Variants in PTPRS observed in about 807,000 individuals in gnomAD.
The protein encoded by PTPRS is protein tyrosine phosphatase receptor type S.
In PTPRS, 63 loss-of-function variants were observed where a neutral mutation model predicts 215.3. The ratio of observed to expected loss-of-function variants is 0.29; its 90% CI spans 0.24 to 0.36. PTPRS has a LOEUF of 0.36. Ranked by LOEUF, PTPRS falls within the 10% of genes least tolerant of loss-of-function variation. The pLI, the probability that PTPRS is intolerant of heterozygous loss-of-function variation, is 1.00. For synonymous variants in PTPRS, 1,404 were observed against 1,191.4 expected, an observed-to-expected ratio of 1.18 and a Z score of -3.68; for missense variants, 2,258 against 2,825.8, an observed-to-expected ratio of 0.80 and a Z score of 4.56.
intron 7 of PTPRS, among the ~76,000 whole-genome samples, chr19:5,260,076 C>T (rs1199576959): frequency 6.6e-6 from 1 of 151,988 alleles, no homozygotes; most frequent in Non-Finnish European, 1.5e-5. Context: ...GGGATGGAGC[C>T]GACCGACCTG....
At chr19:5,318,589 G>A (rs920481806) in intron 1 of PTPRS, among the ~76,000 whole-genome samples, 2 of 152,114 alleles carry the variant, frequency 1.3e-5, no homozygotes, top group African/African-American at 4.8e-5. Flanking sequence ...GGCACACAGA[G>A]CTGTTCACAC....
At chr19:5,211,464 T>TTCACGGACAGCA in intron 33 of PTPRS, 126 bp downstream of exon 33, 1 of 902,296 alleles carries the variant, frequency 1.1e-6, no homozygotes, top group Non-Finnish European at 1.6e-6. Context: ...CATCTAAAGA[T>TTCACGGACAGCA]GTGTATTTAA....
rs771621293 is a variant in PTPRS at position 5,273,512 on chromosome 19, G to A, written c.309C>T (p.Asn103=). The A allele has an allele frequency of 3.7e-6, 6 of 1,614,160 alleles. No homozygotes were observed. The highest frequency in any genetic ancestry group is 2.2e-5 in the South Asian group (2 of 91,080). ...AGTTCTGGGCCACACACTCGTACAC[G>A]TTTTCATCCCGCGGTGTCCTCAGCG... ...IQPLRTPRDE[N]VYECVAQNSV... Residue 103 remains asparagine, a synonymous_variant, in exon 4 of 38, where the codon AAC becomes AAT. Coordinates refer to ENST00000262963, the MANE Select transcript of PTPRS (RefSeq NM_002850.4).
intron 1 of PTPRS, among the ~76,000 whole-genome samples, chr19:5,288,204 G>A (rs537674734): frequency 2.6e-4 from 39 of 152,204 alleles, no homozygotes; most frequent in Non-Finnish European, 4.9e-4. Flanking sequence ...TGCACAAGCC[G>A]GTCAAAGTCA....
chr19:5,208,416 G>A (rs376624828), intron 35 of PTPRS, 25 bp from the exon 36 acceptor site: 3 of 1,546,638 alleles, frequency 1.9e-6, no homozygotes, highest in African/African-American at 2.7e-5. Context: ...GCCCAATCTT[G>A]TTATCAGGTC....
intron 1 of PTPRS, among the ~76,000 whole-genome samples, chr19:5,336,294 CCA>C (rs1238665070): frequency 6.6e-6 from 1 of 150,800 alleles, no homozygotes; most frequent in Non-Finnish European, 1.5e-5. Flanking sequence ...ACCACACACT[CCA>C]CACTCTTGAA....
rs1447160795 is a variant in PTPRS at position 5,244,076 on chromosome 19, G to A, written c.1395C>T (p.Thr465=). ...GLIRGYRVYY[T]MEPEHPVGNW... ...TGCCCACGGGGTGCTCCGGTTCCATGGTGTAGTAGACGCGGTAGCCGCGGA... is the reference window on the plus strand; with the variant it reads ...TGCCCACGGGGTGCTCCGGTTCCATAGTGTAGTAGACGCGGTAGCCGCGGA... The change falls in exon 11 of 38, where the codon ACC becomes ACT. Residue 465 remains threonine (T), a synonymous_variant. Coordinates refer to ENST00000262963, the MANE Select transcript of PTPRS (RefSeq NM_002850.4). This position sits in a 1 kb window ranked among gnomAD's most constrained non-coding sequence, Gnocchi z 7.2. 1.9e-6 allele frequency: 3 copies of A among 1,610,796 alleles called. No homozygotes were observed. Among genetic ancestry groups the A allele is most frequent in the African/African-American group, 2.7e-5 (2 of 74,926 alleles).
At chr19:5,307,977 G>C (rs565381085) in intron 1 of PTPRS, among the ~76,000 whole-genome samples, 1 of 152,194 alleles carries the variant, frequency 6.6e-6, no homozygotes, top group Non-Finnish European at 1.5e-5. Context: ...AAGCTGGAAA[G>C]ATTTACAAGG....
intron 9 of PTPRS, 130 bp from the exon 10 acceptor site, chr19:5,246,175 G>C: frequency 6.6e-4 from 289 of 439,142 alleles, no homozygotes; most frequent in Non-Finnish European, 9.1e-4. Context: ...AGGAAAGAAA[G>C]AAAAAAAGAA....
Position 5,231,290 on chromosome 19 carries a change from G to T in PTPRS, c.2155+20C>A, listed in dbSNP as rs377165729. On this transcript the variant is annotated intron_variant, in intron 14 of 37. Coordinates refer to ENST00000262963, the MANE Select transcript of PTPRS (RefSeq NM_002850.4). ...GGGCTGGGGCCTGCGGGGGGTCCCG[G>T]GCCTGGGGCAGGTACTTACCATCCT... 1 of 1,584,074 alleles carries T rather than the reference G, an allele frequency of 6.3e-7. No homozygotes were observed.
At chr19:5,263,422 C>T (rs1034620514) in intron 5 of PTPRS, among the ~76,000 whole-genome samples, 1 of 151,960 alleles carries the variant, frequency 6.6e-6, no homozygotes, top group African/African-American at 2.4e-5. Flanking sequence ...GGTAGGTAGG[C>T]TCTTTGGTGG....
intron 16 of PTPRS, among the ~76,000 whole-genome samples, chr19:5,226,128 C>A (rs1260975149): frequency 1.3e-5 from 2 of 152,196 alleles, no homozygotes; most frequent in Non-Finnish European, 2.9e-5. Context: ...GTCTGTCCTC[C>A]CCACAGCAGC....
chr19:5,234,102 C>G (rs1031665219), intron 13 of PTPRS, among the ~76,000 whole-genome samples: 1 of 151,732 alleles, frequency 6.6e-6, no homozygotes, highest in Non-Finnish European at 1.5e-5. Flanking sequence ...TATTTACTGG[C>G]CACCTACTGT....
At chr19:5,305,732 A>AAAATAAAT (rs1191223090) in intron 1 of PTPRS, among the ~76,000 whole-genome samples, 44 of 108,240 alleles carry the variant, frequency 4.1e-4, no homozygotes, top group Non-Finnish European at 6.4e-4. Context: ...CCGTCTCTGA[A>AAAATAAAT]AAATAAATAA....
Position 5,245,987 on chromosome 19 carries a change from C to T in PTPRS, c.777G>A (p.Gly259=). ...ILPMSHEIMP[G]GNVNITCVAV... ...CCACGCAGGTGATGTTCACGTTGCC[C>T]CCTGGCATGATCTCGTGGCTCATGG... Residue 259 remains glycine (G), a synonymous_variant, in exon 10 of 38, where the codon GGG becomes GGA. Transcript: ENST00000262963. The T allele has an allele frequency of 1.3e-6, 2 of 1,596,442 alleles. No homozygotes were observed. Among genetic ancestry groups the T allele is most frequent in the Non-Finnish European group, 1.7e-6 (2 of 1,170,160 alleles).
Position 5,284,099 on chromosome 19 carries a change from GC to G in PTPRS, c.91+1950del, listed in dbSNP as rs1434649210. ...AGGCCAGCCGGGCTCAGTGGCTCAT[GC>G]CTGTAATCCCAGCACTTTGGGAGGC... is the stretch of plus-strand genomic sequence containing the variant. On this transcript the variant is annotated intron_variant, in intron 2 of 37. Coordinates refer to ENST00000262963, the MANE Select transcript of PTPRS (RefSeq NM_002850.4). Among the ~76,000 whole-genome samples, 3 of 151,622 alleles carry G rather than the reference GC, an allele frequency of 2.0e-5. No homozygotes were observed. The East Asian group carries it at 5.8e-4, about 29-fold the overall frequency.
chr19:5,255,981 AT>A (rs34015774), intron 9 of PTPRS, 126 bp downstream of exon 9: 67 of 620,266 alleles, frequency 1.1e-4, no homozygotes, highest in South Asian at 3.5e-4. Flanking sequence ...TCATTTTTCT[AT>A]TTTTTTTCCG....
chr19:5,218,526 G>A lies in PTPRS; in HGVS notation c.3942C>T (p.Arg1314=), dbSNP rs1163633951. ...LLYKNKPDSK[R]KDSEPRTKCL... is the part of the protein sequence containing the mutation. ...ATTTGGTGCGGGGTTCTGAGTCCTT[G>A]CGTTTACTTTAGGAGAAGCAAGCGG... The change falls in exon 25 of 38, where the codon CGC becomes CGT. Residue 1314 remains arginine (R), a synonymous_variant. Coordinates refer to ENST00000262963, the MANE Select transcript of PTPRS (RefSeq NM_002850.4). The A allele has an allele frequency of 1.2e-6, 2 of 1,614,046 alleles. No homozygotes were observed. The highest frequency in any genetic ancestry group is 1.7e-6 in the Non-Finnish European group (2 of 1,180,010).
chr19:5,292,011 A>T (rs1353377165), intron 1 of PTPRS, among the ~76,000 whole-genome samples: 1 of 151,724 alleles, frequency 6.6e-6, no homozygotes, highest in Non-Finnish European at 1.5e-5. Context: ...CAGCCCTCAT[A>T]CTTGTCCTCA....
Sources: allele counts gnomAD v4.1 joint callset (sites outside exome capture counted in the v4.1 genomes callset), GRCh38; gene constraint gnomAD v4.1.1; non-coding constraint Gnocchi (gnomAD v3.1); transcripts MANE v1.5; gene names NCBI Gene and HGNC (gene_info 2026-07-23, HGNC 2026-07-21).